ANK2: variants seen among roughly 807,000 people sequenced by gnomAD.
ANK2 encodes ankyrin 2.
In ANK2, 83 loss-of-function variants were observed where a neutral mutation model predicts 360.5. The ratio of observed to expected loss-of-function variants is 0.23; its 90% confidence interval spans 0.19 to 0.28. The LOEUF (loss-of-function observed/expected upper bound fraction) is 0.28, where lower values mean the gene tolerates loss of function less well. ANK2 is among the 10% of genes least tolerant of loss of function. The pLI, the probability that ANK2 is intolerant of heterozygous loss-of-function variation, is 1.00. For missense variants in ANK2, 4,201 were observed against 4,795.7 expected, an observed-to-expected ratio of 0.88 and a Z score of 3.66; for synonymous variants, 1,740 against 1,759.5, an observed-to-expected ratio of 0.99 and a Z score of 0.28.
the ANK2 span, among the ~76,000 whole-genome samples, chr4:112,779,941 A>G: frequency 3.9e-5 from 6 of 152,228 alleles, no homozygotes; most frequent in Non-Finnish European, 1.5e-5. Context: ...GAAGCCAGTG[A>G]GCCAGGTGTG....
the ANK2 span, among the ~76,000 whole-genome samples, chr4:112,746,540 C>T: frequency 6.6e-6 from 1 of 151,110 alleles, no homozygotes; most frequent in South Asian, 2.1e-4. Context: ...AAGAAAATGC[C>T]TTTTTGAATA....
chr4:113,049,322 G>A (rs1172377378), upstream of ANK2, among the ~76,000 whole-genome samples: 1 of 152,114 alleles, frequency 6.6e-6, no homozygotes, highest in Non-Finnish European at 1.5e-5. Context: ...GAATGTTACA[G>A]TTTTCTCATT....
At chr4:113,263,206 A>AG (rs2054034431) in intron 13 of ANK2, among the ~76,000 whole-genome samples, 1 of 151,280 alleles carries the variant, frequency 6.6e-6, no homozygotes, top group African/African-American at 2.4e-5. Context: ...AAAAAAAAAA[A>AG]AAGAAGATCT....
intron 2 of ANK2, among the ~76,000 whole-genome samples, chr4:113,180,771 C>A (rs2098392589): frequency 6.6e-6 from 1 of 152,128 alleles, no homozygotes; most frequent in Non-Finnish European, 1.5e-5. Context: ...ATGGAATGAG[C>A]TATATGCAGT....
intron 13 of ANK2, among the ~76,000 whole-genome samples, chr4:113,260,241 C>T (rs1357174002): frequency 6.6e-6 from 1 of 152,106 alleles, no homozygotes; most frequent in Non-Finnish European, 1.5e-5. Context: ...TTATAATATA[C>T]TCCCTTCTAT....
intron 1 of ANK2, among the ~76,000 whole-genome samples, chr4:112,849,723 A>G (rs984876228): frequency 6.6e-5 from 10 of 152,188 alleles, no homozygotes. Context: ...CCCTTCTTCT[A>G]ATCCTTATAC....
Position 113,240,107 on chromosome 4 carries a change from A to G in ANK2, c.694-378A>G, listed in dbSNP as rs569096040. ...TTCTTTGAATCTTCTCTGAAAAGAC[A>G]TTAAAAAATTCATTGATATGTTAAT... On this transcript the variant is annotated intron_variant, in intron 7 of 45. Coordinates refer to ENST00000357077, the MANE Select transcript of ANK2 (RefSeq NM_001148.6). Among the ~76,000 whole-genome samples the G allele has an allele frequency of 3.9e-4, 60 of 152,330 alleles. 1 individual carries two copies. The South Asian group carries it at 0.01, about 26-fold the overall frequency.
intron 2 of ANK2, among the ~76,000 whole-genome samples, chr4:112,965,155 T>C (rs992217898): frequency 6.6e-6 from 1 of 152,204 alleles, no homozygotes; most frequent in Admixed American, 6.5e-5. Context: ...ACATCCTTGC[T>C]AGCGTTTGTC....
At chr4:113,227,913 G>A (rs1209432979) in intron 4 of ANK2, among the ~76,000 whole-genome samples, 1 of 152,174 alleles carries the variant, frequency 6.6e-6, no homozygotes, top group Non-Finnish European at 1.5e-5. Flanking sequence ...AACTTGAGCT[G>A]TCCCAGACAA....
At chr4:113,128,675 G>C (rs966618055) in intron 1 of ANK2, among the ~76,000 whole-genome samples, 17 of 152,124 alleles carry the variant, frequency 1.1e-4, no homozygotes, top group Non-Finnish European at 2.4e-4. Context: ...ATTTTTAGTA[G>C]AGATGGGGTT....
intron 1 of ANK2, among the ~76,000 whole-genome samples, chr4:112,901,551 A>G (rs906378191): frequency 1.3e-5 from 2 of 152,130 alleles, no homozygotes; most frequent in Non-Finnish European, 2.9e-5. Context: ...TGCAACCTCA[A>G]AACAAAATCC....
intron 1 of ANK2, among the ~76,000 whole-genome samples, chr4:112,898,295 G>C (rs887002781): frequency 6.6e-6 from 1 of 152,046 alleles, no homozygotes; most frequent in African/African-American, 2.4e-5. Context: ...TTCTCTTCTA[G>C]GATACCAAAT....
chr4:112,924,286 T>C (rs1283180479), intron 2 of ANK2, among the ~76,000 whole-genome samples: 1 of 151,312 alleles, frequency 6.6e-6, no homozygotes, highest in Non-Finnish European at 1.5e-5. Context: ...GAGAATTGCT[T>C]GAACCCGGGA....
At chr4:112,918,341 G>T (rs1320992017) in intron 2 of ANK2, among the ~76,000 whole-genome samples, 2 of 151,982 alleles carry the variant, frequency 1.3e-5, no homozygotes, top group Non-Finnish European at 2.9e-5. Context: ...AATAATTCAG[G>T]TTATGAAAGC....
At chr4:112,741,401 A>G in the ANK2 span, among the ~76,000 whole-genome samples, 7 of 152,126 alleles carry the variant, frequency 4.6e-5, no homozygotes, top group Non-Finnish European at 7.3e-5. Context: ...TTCGTTGCAT[A>G]GCCATCCTGA....
chr4:112,913,231 G>A (rs1297980633), intron 2 of ANK2, among the ~76,000 whole-genome samples: 1 of 152,028 alleles, frequency 6.6e-6, no homozygotes, highest in African/African-American at 2.4e-5. Flanking sequence ...TTATGTAAAT[G>A]GCCAGTAATG....
At chr4:113,269,218 G>T (rs552621221) in intron 14 of ANK2, among the ~76,000 whole-genome samples, 57 of 152,272 alleles carry the variant, frequency 3.7e-4, no homozygotes, top group African/African-American at 1.0e-3. Flanking sequence ...GGCTCCCCTG[G>T]GGTGGGATCC....
Position 112,966,105 on chromosome 4 carries a change from TATA to T in ANK2, c.21+61597_21+61599del, listed in dbSNP as rs1424594578. Among the ~76,000 whole-genome samples, 10 of 151,936 alleles carry T rather than the reference TATA, an allele frequency of 6.6e-5. No individual in the cohort carries two copies. In the South Asian group the frequency reaches 1.9e-3, roughly 28 times the overall value. ...ATCTAAATCTATAAACATCTTCAAT[TATA>T]ATAATTTAACAATCTGCATCAATTA... On this transcript the variant is annotated intron_variant, in intron 2 of 30. Coordinates refer to the ANK2 transcript ENST00000503271.
At chr4:112,932,491 C>CA (rs750709290) in intron 2 of ANK2, among the ~76,000 whole-genome samples, 1,864 of 53,386 alleles carry the variant, frequency 0.035, 53 homozygotes, top group African/African-American at 0.07. Context: ...GACTCCGTCT[C>CA]AAAAAAAAAA....
Sources: allele counts gnomAD v4.1 joint callset (sites outside exome capture counted in the v4.1 genomes callset), GRCh38; gene constraint gnomAD v4.1.1; transcripts MANE v1.5; gene names NCBI Gene and HGNC (gene_info 2026-07-23, HGNC 2026-07-21).